The following SULT1E1 variants were observed in gnomAD, a reference collection of about 807,000 sequenced individuals.
SULT1E1 encodes sulfotransferase 1E1.
A neutral mutation model predicts 33.6 loss-of-function variants in SULT1E1; 36 were observed. The ratio of observed to expected loss-of-function variants is 1.07; its 90% CI spans 0.82 to 1.41. SULT1E1 has a LOEUF of 1.41. Among genes scored for constraint, SULT1E1 ranks in the 40% most tolerant of loss-of-function variants. The pLI, the probability that SULT1E1 is intolerant of heterozygous loss-of-function variation, is 0.00. For missense variants in SULT1E1, 371 were observed against 345.7 expected, an observed-to-expected ratio of 1.07 and a Z score of -0.58; for synonymous variants, 121 against 111.7, an observed-to-expected ratio of 1.08 and a Z score of -0.53.
the SULT1E1 span, among the ~76,000 whole-genome samples, chr4:69,825,854 C>A: frequency 1.3e-5 from 2 of 152,212 alleles, no homozygotes; most frequent in South Asian, 4.1e-4. Flanking sequence ...TCTTGCCTCT[C>A]TTCTCCGAGG....
chr4:69,839,018 A>G (rs1162225308), downstream of SULT1E1, among the ~76,000 whole-genome samples: 2 of 152,234 alleles, frequency 1.3e-5, no homozygotes, highest in East Asian at 3.8e-4. Context: ...GCTGTCAGGC[A>G]TAGTCTCATA....
downstream of SULT1E1, among the ~76,000 whole-genome samples, chr4:69,837,990 A>C (rs1372158142): frequency 6.6e-6 from 1 of 152,100 alleles, no homozygotes; most frequent in Non-Finnish European, 1.5e-5. Context: ...ATTTTATTTC[A>C]TTTTGTATGA....
At chr4:69,844,516 C>A (rs1169126660) in intron 6 of SULT1E1, among the ~76,000 whole-genome samples, 175 bp from the exon 7 acceptor site, 1 of 151,958 alleles carries the variant, frequency 6.6e-6, no homozygotes, top group Non-Finnish European at 1.5e-5. Context: ...TAATTTTCCT[C>A]ATCCATAAAA....
the SULT1E1 span, among the ~76,000 whole-genome samples, chr4:69,834,475 A>G: frequency 0.038 from 5,815 of 152,232 alleles, 131 homozygotes; most frequent in Admixed American, 0.062. Context: ...CATCACTTCA[A>G]TTGCCCACTT....
the SULT1E1 span, among the ~76,000 whole-genome samples, chr4:69,835,358 G>A: frequency 6.6e-6 from 1 of 152,196 alleles, no homozygotes; most frequent in Non-Finnish European, 1.5e-5. Flanking sequence ...AACTGTGCGT[G>A]TCTTACTGTC....
At chr4:69,828,545 A>G in the SULT1E1 span, among the ~76,000 whole-genome samples, 1 of 152,206 alleles carries the variant, frequency 6.6e-6, no homozygotes, top group African/African-American at 2.4e-5. Flanking sequence ...ATCTGAAGGA[A>G]CAAACTCTGG....
chr4:69,856,935 CAAAA>C (rs11464421), intron 2 of SULT1E1, among the ~76,000 whole-genome samples: 279 of 59,218 alleles, frequency 4.7e-3, no homozygotes, highest in Non-Finnish European at 6.6e-3. Flanking sequence ...GACTCCGTCT[CAAAA>C]AAAAAAAAAA....
intron 2 of SULT1E1, among the ~76,000 whole-genome samples, 181 bp from the exon 3 acceptor site, chr4:69,855,607 A>G (rs1721218100): frequency 6.6e-6 from 1 of 152,194 alleles, no homozygotes; most frequent in Non-Finnish European, 1.5e-5. Context: ...CACAAAAATA[A>G]CCTCAAGAGA....
intron 7 of SULT1E1, 91 bp from the exon 8 acceptor site, chr4:69,842,197 C>A: frequency 2.9e-6 from 2 of 698,900 alleles, no homozygotes; most frequent in South Asian, 1.7e-5. Context: ...AACACCTAAT[C>A]AAATATTATA....
Position 69,856,574 on chromosome 4 carries a change from A to T in SULT1E1, c.145+926T>A, listed in dbSNP as rs116178681. Among the ~76,000 whole-genome samples, 910 of 152,310 alleles carry T rather than the reference A, an allele frequency of 6.0e-3. 10 individuals are homozygous for T. Among genetic ancestry groups the T allele is most frequent in the African/African-American group, 0.021 (872 of 41,570 alleles). Reference sequence around the variant, plus strand: ...AATAGCTCACGGGTTTCCTCTTCAGATGACTGGTATTGTGCTGCCATTTAT... The same window carrying T: ...AATAGCTCACGGGTTTCCTCTTCAGTTGACTGGTATTGTGCTGCCATTTAT... On this transcript the variant is annotated intron_variant, in intron 2 of 7. Transcript: ENST00000226444.
chr4:69,838,747 G>A (rs935501287), downstream of SULT1E1, among the ~76,000 whole-genome samples: 1 of 152,134 alleles, frequency 6.6e-6, no homozygotes, highest in African/African-American at 2.4e-5. Flanking sequence ...GACATAGAAG[G>A]TGATCTGCCT....
Position 69,857,656 on chromosome 4 carries a change from G to GAA in SULT1E1, c.-9-5_-9-4dup. The GAA allele has an allele frequency of 6.4e-7, 1 of 1,574,354 alleles. No homozygotes were observed. Among genetic ancestry groups the GAA allele is most frequent in the Non-Finnish European group, 8.6e-7 (1 of 1,167,296 alleles). ...AGTTCAGAATTCATTGTGGTACACT[G>GAA]AAAAAAAACCTCTGCTTTATACTTT... On this transcript the variant is annotated splice_region_variant and splice_polypyrimidine_tract_variant and intron_variant, in intron 1 of 7. Coordinates refer to ENST00000226444, the MANE Select transcript of SULT1E1 (RefSeq NM_005420.3).
intron 6 of SULT1E1, among the ~76,000 whole-genome samples, chr4:69,845,095 T>C (rs913245510): frequency 4.6e-5 from 7 of 152,058 alleles, no homozygotes; most frequent in Non-Finnish European, 8.8e-5. Context: ...CATAATTGTT[T>C]AAATAAATCT....
chr4:69,848,740 T>C (rs1721035788), intron 5 of SULT1E1, among the ~76,000 whole-genome samples: 1 of 151,998 alleles, frequency 6.6e-6, no homozygotes, highest in Non-Finnish European at 1.5e-5. Flanking sequence ...CATCTGTGGA[T>C]ATGAAAACAC....
At chr4:69,821,199 C>A in the SULT1E1 span, among the ~76,000 whole-genome samples, 1 of 152,028 alleles carries the variant, frequency 6.6e-6, no homozygotes, top group South Asian at 2.1e-4. Context: ...TAATAAATCC[C>A]AATGTTTATA....
At chr4:69,850,229 T>C (rs1335588713) in intron 4 of SULT1E1, among the ~76,000 whole-genome samples, 1 of 152,078 alleles carries the variant, frequency 6.6e-6, no homozygotes, top group East Asian at 1.9e-4. Context: ...TTGACCTAAA[T>C]GTTTTCTTTA....
rs1720891394 is a variant in SULT1E1 at position 69,841,831 on chromosome 4, A to G, written c.*163T>C. 2 of 466,464 alleles carry G rather than the reference A, an allele frequency of 4.3e-6. No homozygotes were observed. Among genetic ancestry groups the G allele is most frequent in the Non-Finnish European group, 3.7e-6 (1 of 269,660 alleles). 28.9% of individuals were successfully genotyped at this position (466,464 alleles called of 1,614,324 possible). A position where few individuals can be genotyped will look rare whatever the true frequency, so the allele number is the denominator to read the frequency against. ...CCTCCAGCCTAGGCAACAGAGTGAG[A>G]CTCTGTCTCAAAAAAAAAAAAAAAA... On this transcript the variant is annotated 3_prime_UTR_variant, in exon 8 of 8. Coordinates refer to ENST00000226444, the MANE Select transcript of SULT1E1 (RefSeq NM_005420.3).
chr4:69,858,159 T>C (rs554029290), intron 1 of SULT1E1, among the ~76,000 whole-genome samples: 1 of 152,246 alleles, frequency 6.6e-6, no homozygotes, highest in South Asian at 2.1e-4. Flanking sequence ...ATAAACCAAA[T>C]GCTTGGTGAA....
At chr4:69,828,397 C>T in the SULT1E1 span, among the ~76,000 whole-genome samples, 1 of 152,166 alleles carries the variant, frequency 6.6e-6, no homozygotes, top group Non-Finnish European at 1.5e-5. Context: ...GACCATGAAC[C>T]CACCAGGAGG....
Sources: gnomAD v4.1 joint callset for allele counts (sites outside exome capture counted in the v4.1 genomes callset) on GRCh38, gnomAD v4.1.1 for gene constraint, MANE v1.5 for transcripts, NCBI Gene and HGNC (gene_info 2026-07-23, HGNC 2026-07-21) for gene names.